The following PREP variants were observed in gnomAD, a reference collection of about 807,000 sequenced individuals.
The protein encoded by PREP is prolyl endopeptidase.
Under a neutral mutation model 87.6 loss-of-function variants are expected in PREP, and 29 were observed. The observed-to-expected ratio is 0.33, with a 90% CI of 0.25 to 0.45. The LOEUF (loss-of-function observed/expected upper bound fraction) is 0.45, where lower values mean the gene tolerates loss of function less well. Among genes scored for constraint, PREP ranks in the 20% least tolerant of loss-of-function variants. PREP has a pLI of 1.00. For missense variants in PREP, 695 were observed against 886.5 expected (o/e 0.78, Z 2.74); for synonymous variants, 337 against 328.6 (o/e 1.03, Z -0.28).
intron 2 of PREP, among the ~76,000 whole-genome samples, chr6:105,382,270 A>AACACACACACAC (rs146759488): frequency 0.019 from 2,774 of 143,048 alleles, 37 homozygotes; most frequent in Middle Eastern, 0.025. Context: ...AAGCGTTCTC[A>AACACACACACAC]ACACACACAC....
At chr6:105,377,274 C>T in intron 3 of PREP, 112 bp downstream of exon 3, 3 of 1,210,726 alleles carry the variant, frequency 2.5e-6, no homozygotes, top group Non-Finnish European at 3.5e-6. Context: ...AAATTAATTC[C>T]TTATAATGAA....
intron 12 of PREP, among the ~76,000 whole-genome samples, chr6:105,283,650 A>G (rs1465901780): frequency 1.3e-5 from 2 of 152,216 alleles, no homozygotes; most frequent in East Asian, 3.8e-4. Context: ...TTTAAAGTCA[A>G]TTAACAGAAT....
At chr6:105,387,835 A>C (rs1476871096) in intron 2 of PREP, among the ~76,000 whole-genome samples, 1 of 152,148 alleles carries the variant, frequency 6.6e-6, no homozygotes, top group Non-Finnish European at 1.5e-5. Context: ...TCAGAGATCA[A>C]GTGGCATGCC....
At chr6:105,382,785 T>C (rs987674498) in intron 2 of PREP, among the ~76,000 whole-genome samples, 6 of 152,204 alleles carry the variant, frequency 3.9e-5, no homozygotes, top group African/African-American at 1.4e-4. Flanking sequence ...AGGTAGAGAC[T>C]GGCTCAGGCC....
At chr6:105,397,736 C>A (rs1773322227) in intron 2 of PREP, 117 bp downstream of exon 2, 5 of 798,754 alleles carry the variant, frequency 6.3e-6, no homozygotes, top group African/African-American at 1.7e-5. Context: ...GGTATACTCA[C>A]CATCCCATGG....
intron 9 of PREP, among the ~76,000 whole-genome samples, chr6:105,324,749 G>C (rs768445417): frequency 1.3e-5 from 2 of 151,998 alleles, no homozygotes; most frequent in African/African-American, 4.8e-5. Context: ...CTTTCTTCTC[G>C]ACTCCTCTGT....
chr6:105,341,375 C>T (rs1771644495), intron 7 of PREP, among the ~76,000 whole-genome samples: 1 of 152,164 alleles, frequency 6.6e-6, no homozygotes, highest in South Asian at 2.1e-4. Context: ...ATCTCTGGGA[C>T]ACATTTAAAG....
chr6:105,339,105 C>G (rs576726841), intron 7 of PREP, among the ~76,000 whole-genome samples: 1 of 152,238 alleles, frequency 6.6e-6, no homozygotes, highest in Non-Finnish European at 1.5e-5. Context: ...TCCCTGACCC[C>G]TGAGTAGCCT....
rs905408173 is a variant in PREP, at chr6:105,282,362, A to G, written c.1681+89T>C. The stretch of plus-strand genomic sequence containing the variant: ...TACCACTTTGTGGTCCTATCCACAA[A>G]GTTAAGTCAAGAGCTGCCTACAGAT... On this transcript the variant is annotated intron_variant, in intron 13 of 14. Transcript: ENST00000652536. 10 of 1,478,658 alleles carry G rather than the reference A, an allele frequency of 6.8e-6. No homozygotes were observed. The East Asian group carries it at 2.1e-4, about 30-fold the overall frequency. The allele number at this position is 1,478,658 out of a possible 1,614,324, so 91.6% of individuals were successfully genotyped here.
intron 2 of PREP, among the ~76,000 whole-genome samples, chr6:105,380,155 G>C (rs955728647): frequency 2.6e-5 from 4 of 152,230 alleles, no homozygotes; most frequent in Admixed American, 1.3e-4. Context: ...ACCTAATTAA[G>C]CAGGGTGGTC....
intron 2 of PREP, among the ~76,000 whole-genome samples, chr6:105,382,125 A>G (rs1359037094): frequency 2.0e-5 from 3 of 152,032 alleles, no homozygotes; most frequent in Non-Finnish European, 4.4e-5. Context: ...AAGCAGTAAA[A>G]TGGTGTTTAC....
intron 11 of PREP, among the ~76,000 whole-genome samples, chr6:105,287,355 T>A (rs1770209260): frequency 6.6e-6 from 1 of 152,186 alleles, no homozygotes; most frequent in Admixed American, 6.5e-5. Flanking sequence ...TATGACACTT[T>A]TCTAACTAGT....
Position 105,278,366 on chromosome 6 carries a change from A to G in PREP, c.1911T>C (p.Thr637=), listed in dbSNP as rs764693264. ...GGACCACGCGGTCATCATGGTCAGC[A>G]GTGAGGAGCAGCATGGACGGGTACT... ...DIQYPSMLLL[T]ADHDDRVVPL... Residue 637 remains threonine, a synonymous_variant, in exon 15 of 15, where the codon ACT becomes ACC. Transcript: ENST00000652536. The surrounding 1 kb of genome is among the most constrained non-coding windows in gnomAD (Gnocchi z 4.2). 6.2e-7 allele frequency: 1 copy of G among 1,614,216 alleles called. No homozygotes were observed. The highest frequency in any genetic ancestry group is 8.5e-7 in the Non-Finnish European group (1 of 1,180,000).
At position 105,326,925 on chromosome 6, in the gene PREP, C is replaced by T. The variant is rs1771175047; in HGVS notation, c.1213+1904G>A. Among the ~76,000 whole-genome samples the T allele has an allele frequency of 2.0e-5, 3 of 152,162 alleles. No homozygotes were observed. The South Asian group carries it at 6.2e-4, about 32-fold the overall frequency. ...TCTTTTCAAATTTCACAGCCACAGT[C>T]ACGGGTAATATTTCATTGTTTGGCA... On this transcript the variant is annotated intron_variant, in intron 9 of 14. Transcript: ENST00000652536.
In PREP at chr6:105,402,899, G is replaced by T; in HGVS notation, c.-8C>A. On this transcript the variant is annotated 5_prime_UTR_variant, in exon 1 of 15. Coordinates refer to ENST00000652536, the MANE Select transcript of PREP (RefSeq NM_002726.5). Reference sequence around the variant, plus strand: ...GTACTGAAGGGACAGCATGGCCGGGGACAGGCAGGGGGCAGCGTGGAGGGG... The same window carrying T: ...GTACTGAAGGGACAGCATGGCCGGGTACAGGCAGGGGGCAGCGTGGAGGGG... 2.6e-6 allele frequency: 4 copies of T among 1,509,798 alleles called. No homozygotes were observed. Among genetic ancestry groups the T allele is most frequent in the East Asian group, 2.5e-5 (1 of 40,418 alleles). The allele number at this position is 1,509,798 out of a possible 1,614,324, so 93.5% of individuals were successfully genotyped here.
At chr6:105,359,638 G>T (rs1772193836) in intron 6 of PREP, among the ~76,000 whole-genome samples, 1 of 152,196 alleles carries the variant, frequency 6.6e-6, no homozygotes, top group African/African-American at 2.4e-5. Context: ...GCTGATGGGT[G>T]TTGGGAGCAG....
At chr6:105,322,480 ACCCTGTATGTCTTCTCGG>A (rs1296980848) in intron 10 of PREP, 7 of 985,406 alleles carry the variant, frequency 7.1e-6, no homozygotes, top group Non-Finnish European at 8.4e-6. Flanking sequence ...GAGCTTCTTG[ACCCTGTATGTCTTCTCGG>A]CCCTGTATGT....
intron 11 of PREP, 30 bp from the exon 12 acceptor site, chr6:105,285,610 C>T (rs768412821): frequency 1.3e-6 from 2 of 1,553,786 alleles, no homozygotes; most frequent in African/African-American, 2.7e-5. Flanking sequence ...GTTAACCTTC[C>T]ATTAACTGCC....
intron 10 of PREP, among the ~76,000 whole-genome samples, chr6:105,314,098 C>T (rs1206619468): frequency 6.6e-6 from 1 of 152,116 alleles, no homozygotes; most frequent in Non-Finnish European, 1.5e-5. Flanking sequence ...CACTAGTGTA[C>T]AAAGCAATAG....
Sources: gnomAD v4.1 joint callset for allele counts (sites outside exome capture counted in the v4.1 genomes callset) on GRCh38, gnomAD v4.1.1 for gene constraint, Gnocchi (gnomAD v3.1) non-coding constraint, MANE v1.5 for transcripts, NCBI Gene and HGNC (gene_info 2026-07-23, HGNC 2026-07-21) for gene names.